The following CALN1 variants were observed in gnomAD, a reference collection of about 807,000 sequenced individuals.
CALN1 encodes calcium-binding protein 8.
A neutral mutation model predicts 30.6 loss-of-function variants in CALN1; 17 were observed. The observed-to-expected ratio is 0.56, with a 90% CI of 0.38 to 0.83. CALN1 has a LOEUF of 0.83. CALN1 is among the 40% of genes least tolerant of loss of function. The pLI is 0.00. For missense variants in CALN1, 291 were observed against 354.9 expected (o/e 0.82, Z 1.45); for synonymous variants, 156 against 131.4 (o/e 1.19, Z -1.28).
At chr7:72,055,340 A>G (rs1259874157) in intron 4 of CALN1, among the ~76,000 whole-genome samples, 1 of 152,220 alleles carries the variant, frequency 6.6e-6, no homozygotes, top group Admixed American at 6.5e-5. Context: ...TAAACAAATA[A>G]TAGAAAAAGT....
intron 2 of CALN1, among the ~76,000 whole-genome samples, chr7:72,350,577 T>G (rs949293423): frequency 1.3e-5 from 2 of 152,184 alleles, no homozygotes; most frequent in South Asian, 2.1e-4. Context: ...GAGCTAAACA[T>G]TGAGTACATA....
intron 5 of CALN1, among the ~76,000 whole-genome samples, chr7:71,829,053 T>C (rs1231219248): frequency 6.6e-6 from 1 of 152,108 alleles, no homozygotes; most frequent in Non-Finnish European, 1.5e-5. Context: ...CCACATATAT[T>C]GATTGATATC....
chr7:72,154,490 A>C (rs908915381), intron 3 of CALN1, among the ~76,000 whole-genome samples: 4 of 152,210 alleles, frequency 2.6e-5, no homozygotes, highest in Non-Finnish European at 5.9e-5. Context: ...CATGGGTACC[A>C]TCTTGAGGAT....
chr7:71,878,040 T>C (rs1409977483), intron 5 of CALN1, among the ~76,000 whole-genome samples: 1 of 152,184 alleles, frequency 6.6e-6, no homozygotes, highest in African/African-American at 2.4e-5. Context: ...TTTGCATTTC[T>C]AACAAGTTCC....
rs558621382 is a variant in CALN1, at chr7:72,071,558, AC to A, written c.388+34592del. Among the ~76,000 whole-genome samples the A allele has an allele frequency of 2.0e-5, 3 of 152,328 alleles. No homozygotes were observed. The East Asian group carries it at 5.8e-4, about 29-fold the overall frequency. On this transcript the variant is annotated intron_variant, in intron 4 of 6. Transcript: ENST00000395275. ...GCAGGCTCAGAAAAGACCTGAGAAG[AC>A]CTTACATTTACACCTCAAACTGATC...
chr7:72,115,789 T>C (rs565250763), intron 3 of CALN1, among the ~76,000 whole-genome samples: 5 of 152,008 alleles, frequency 3.3e-5, no homozygotes, highest in South Asian at 4.2e-4. Flanking sequence ...CCCGGCCATA[T>C]ACATTCTTTT....
chr7:72,237,129 C>T lies in CALN1; in HGVS notation c.244+41557G>A, dbSNP rs146283584. Among the ~76,000 whole-genome samples the T allele has an allele frequency of 7.1e-3, 1,083 of 152,156 alleles. 18 individuals are homozygous for T. Among genetic ancestry groups the T allele is most frequent in the African/African-American group, 0.025 (1,029 of 41,490 alleles). The stretch of plus-strand genomic sequence containing the variant: ...CCTCCCGAGTAGCTGAGATTACAGG[C>T]ATGTGCCACCACACCTGGCTAATTT... On this transcript the variant is annotated intron_variant, in intron 3 of 6. Coordinates refer to ENST00000395275, the MANE Select transcript of CALN1 (RefSeq NM_031468.4).
At chr7:71,897,968 AAAAC>A (rs1358596483) in intron 5 of CALN1, among the ~76,000 whole-genome samples, 8 of 117,654 alleles carry the variant, frequency 6.8e-5, no homozygotes, top group African/African-American at 3.3e-4. Flanking sequence ...AAAAAAACAA[AAAAC>A]AAAAAAAAAA....
At chr7:71,860,945 AC>A (rs1791234896) in intron 5 of CALN1, among the ~76,000 whole-genome samples, 1 of 152,158 alleles carries the variant, frequency 6.6e-6, no homozygotes, top group Non-Finnish European at 1.5e-5. Context: ...TGATCAGGAG[AC>A]CAACGATGAC....
At chr7:72,205,575 T>TATACATATATATACAC (rs1554319681) in intron 3 of CALN1, among the ~76,000 whole-genome samples, 6 of 119,604 alleles carry the variant, frequency 5.0e-5, no homozygotes, top group African/African-American at 2.5e-4. Flanking sequence ...TATGTATATA[T>TATACATATATATACAC]ATATATATAT....
chr7:72,409,801 T>G (rs903683942), intron 1 of CALN1, among the ~76,000 whole-genome samples: 1 of 152,060 alleles, frequency 6.6e-6, no homozygotes, highest in African/African-American at 2.4e-5. Context: ...ATTCAAAGAA[T>G]CACCAAGGAA....
rs139740800 is a variant in CALN1, at chr7:72,047,805, A to G, written c.389-24036T>C. 1.4e-4 allele frequency among the ~76,000 whole-genome samples: 21 copies of G among 152,274 alleles called. No homozygotes were observed. The East Asian group carries it at 4.1e-3, about 29-fold the overall frequency. ...TGCAGTGAACAGGGGGCATGTGGGC[A>G]CTGCCCTCTAGGAAATTAAGAGTGC... is the stretch of plus-strand genomic sequence containing the variant. On this transcript the variant is annotated intron_variant, in intron 4 of 6. Coordinates refer to ENST00000395275, the MANE Select transcript of CALN1 (RefSeq NM_031468.4).
intron 5 of CALN1, among the ~76,000 whole-genome samples, chr7:71,967,238 C>T (rs1289528120): frequency 6.6e-6 from 1 of 152,076 alleles, no homozygotes; most frequent in Non-Finnish European, 1.5e-5. Context: ...GCAAACTGAA[C>T]TTCACAATAA....
At position 72,011,315 on chromosome 7, in the gene CALN1, G is replaced by A. The variant is rs184853306; in HGVS notation, c.501+12342C>T. Among the ~76,000 whole-genome samples the A allele has an allele frequency of 3.1e-3, 473 of 152,246 alleles. 1 individual carries two copies. The highest frequency in any genetic ancestry group is 0.01 in the African/African-American group (429 of 41,544). On this transcript the variant is annotated intron_variant, in intron 5 of 6. Coordinates refer to ENST00000395275, the MANE Select transcript of CALN1 (RefSeq NM_031468.4). ...CCAGTGTCTGGCTGGGAGGAGGTCA[G>A]GAGTGTGGGGATCAGGGCCCACTGA...
chr7:72,477,039 C>A, the CALN1 span, among the ~76,000 whole-genome samples: 1 of 152,076 alleles, frequency 6.6e-6, no homozygotes, highest in South Asian at 2.1e-4. Flanking sequence ...GGTGAAACAC[C>A]GTCTCTACTA....
intron 2 of CALN1, chr7:72,336,996 C>G: frequency 1.0e-6 from 1 of 985,564 alleles, no homozygotes; most frequent in South Asian, 4.7e-5. Context: ...TGTCCTTGTC[C>G]TCTGCTCTCG....
intron 3 of CALN1, among the ~76,000 whole-genome samples, chr7:72,194,827 T>TG (rs1790878032): frequency 6.6e-6 from 1 of 151,944 alleles, no homozygotes; most frequent in African/African-American, 2.4e-5. Flanking sequence ...CTTGACCTCA[T>TG]GATCCATCTG....
the CALN1 span, among the ~76,000 whole-genome samples, chr7:72,466,999 T>G: frequency 2.0e-5 from 3 of 151,988 alleles, no homozygotes; most frequent in African/African-American, 4.8e-5. Flanking sequence ...GAGGAGGTGA[T>G]GTCAGTGTTG....
intron 4 of CALN1, among the ~76,000 whole-genome samples, chr7:72,039,941 C>T (rs533741808): frequency 5.3e-5 from 8 of 152,248 alleles, no homozygotes; most frequent in Non-Finnish European, 1.0e-4. Flanking sequence ...CTAAACTCAA[C>T]AGCAGCTCCA....
Sources: allele counts gnomAD v4.1 joint callset (sites outside exome capture counted in the v4.1 genomes callset), GRCh38; gene constraint gnomAD v4.1.1; transcripts MANE v1.5; gene names NCBI Gene and HGNC (gene_info 2026-07-23, HGNC 2026-07-21).